TTC7A: variants seen among roughly 807,000 people sequenced by gnomAD.
TTC7A encodes tetratricopeptide repeat domain 7A.
TTC7A carries 110 observed loss-of-function variants against 103.7 expected under a neutral mutation model. The ratio of observed to expected loss-of-function variants is 1.06; its 90% CI spans 0.91 to 1.24. The LOEUF is 1.24. Among genes scored for constraint, TTC7A ranks in the 50% most tolerant of loss-of-function variants. TTC7A has a pLI of 0.00. For missense variants in TTC7A, 1,340 were observed against 1,116.3 expected (o/e 1.20, Z -2.86); for synonymous variants, 521 against 467.9 (o/e 1.11, Z -1.47).
At chr2:46,936,519 T>TG (rs776131575), upstream of TTC7A, among the ~76,000 whole-genome samples, 1 of 152,148 alleles carries the variant, frequency 6.6e-6, no homozygotes, top group Non-Finnish European at 1.5e-5. Flanking sequence ...GCTATGAGGC[T>TG]GGGGGGTCCT....
chr2:46,989,545 G>A (rs55805005), intron 5 of TTC7A, among the ~76,000 whole-genome samples: 10,289 of 152,072 alleles, frequency 0.068, 390 homozygotes, highest in Non-Finnish European at 0.079. Context: ...AGGCAGAGGG[G>A]CATTCTCAGG....
intron 2 of TTC7A, among the ~76,000 whole-genome samples, chr2:46,956,280 G>T (rs1184140864): frequency 2.0e-5 from 3 of 152,138 alleles, no homozygotes; most frequent in African/African-American, 7.3e-5. Flanking sequence ...AGAGGATGGT[G>T]ACGCAGCAGG....
intron 1 of TTC7A, among the ~76,000 whole-genome samples, chr2:46,944,971 G>A (rs1670806662): frequency 6.6e-6 from 1 of 152,094 alleles, no homozygotes; most frequent in Non-Finnish European, 1.5e-5. Flanking sequence ...TTGATTGTTA[G>A]GTTAGGTCTC....
chr2:47,045,178 C>G (rs1682183687), intron 15 of TTC7A, among the ~76,000 whole-genome samples: 1 of 152,208 alleles, frequency 6.6e-6, no homozygotes, highest in African/African-American at 2.4e-5. Flanking sequence ...CTCGGTGGTT[C>G]AAACTCTTCG....
At chr2:47,056,504 C>T (rs553837689) in intron 18 of TTC7A, among the ~76,000 whole-genome samples, 35 of 152,348 alleles carry the variant, frequency 2.3e-4, no homozygotes, top group Admixed American at 2.0e-4. Context: ...GCAAGGCCCT[C>T]CCTGCAAAGG....
chr2:47,018,437 T>C (rs1390969018), intron 11 of TTC7A, among the ~76,000 whole-genome samples: 2 of 151,696 alleles, frequency 1.3e-5, no homozygotes, highest in Non-Finnish European at 2.9e-5. Context: ...ATAAAAAAAT[T>C]AACCAGTGTG....
chr2:46,927,087 C>T (rs1477628093), intron 2 of TTC7A, among the ~76,000 whole-genome samples: 1 of 151,570 alleles, frequency 6.6e-6, no homozygotes, highest in Admixed American at 6.6e-5. Context: ...ATAGAAAATA[C>T]AAAAGGATAA....
chr2:46,976,046 C>A (rs1486830853), intron 4 of TTC7A, among the ~76,000 whole-genome samples: 4 of 152,100 alleles, frequency 2.6e-5, no homozygotes, highest in Non-Finnish European at 4.4e-5. Flanking sequence ...TATTCTTTTT[C>A]CCTCCGCATC....
intron 8 of TTC7A, among the ~76,000 whole-genome samples, chr2:46,998,701 C>T (rs1676478751): frequency 1.3e-5 from 2 of 152,318 alleles, no homozygotes; most frequent in South Asian, 2.1e-4. Context: ...ATCATTGCTT[C>T]CACCTCCAGG....
rs764434930 is a variant in TTC7A, at chr2:47,060,929, G to C, written c.2313G>C (p.Ala771=). 6.2e-7 allele frequency: 1 copy of C among 1,613,992 alleles called. No homozygotes were observed. The change falls in exon 19 of 20, where the codon GCG becomes GCC. Residue 771 remains alanine (A), a synonymous_variant. Transcript: ENST00000319190. ...LEEAKQLYKE[A]LTVNPDGVRI... is the part of the protein sequence containing the mutation. ...AGGCCAAGCAGCTGTACAAGGAGGC[G>C]CTCACGGTGAACCCAGATGGCGTGC... is the stretch of plus-strand genomic sequence containing the variant.
Position 47,051,763 on chromosome 2 carries a change from T to C in TTC7A, c.2035T>C (p.Ser679Pro). ...DADSGSRRASSIAASRLEEAM... is the reference protein window; with the variant it reads ...DADSGSRRASPIAASRLEEAM... ...CTCTGCAGGCTCCCGGCGGGCTTCGTCCATCGCCGCCTCCCGGCTGGAGGA... is the reference window on the plus strand; with the variant it reads ...CTCTGCAGGCTCCCGGCGGGCTTCGCCCATCGCCGCCTCCCGGCTGGAGGA... Residue 679 changes from serine (S) to proline (P), a missense_variant, in exon 18 of 20, where the codon TCC (serine) becomes CCC (proline). Coordinates refer to ENST00000319190, the MANE Select transcript of TTC7A (RefSeq NM_020458.4). 1 of 1,610,618 alleles carries C rather than the reference T, an allele frequency of 6.2e-7. No individual in the cohort carries two copies. The highest frequency in any genetic ancestry group is 8.5e-7 in the Non-Finnish European group (1 of 1,179,422).
At chr2:47,070,943 CCT>C (rs1362557322) in intron 19 of TTC7A, among the ~76,000 whole-genome samples, 1 of 152,202 alleles carries the variant, frequency 6.6e-6, no homozygotes. Context: ...GATCTGGTCT[CCT>C]CTCTCAGCGT....
In TTC7A at chr2:47,039,084, C is replaced by T. The variant is rs138753763; in HGVS notation, c.1803-7231C>T. 3.2e-4 allele frequency among the ~76,000 whole-genome samples: 48 copies of T among 152,228 alleles called. No individual in the cohort carries two copies. The East Asian group carries it at 6.2e-3, about 20-fold the overall frequency. On this transcript the variant is annotated intron_variant, in intron 15 of 19. Coordinates refer to ENST00000319190, the MANE Select transcript of TTC7A (RefSeq NM_020458.4). Reference sequence around the variant, plus strand: ...CCCCTTAGTTCTCCCAGCAACCCTCCTGGGCAGTACCATGACTGTCCTGCC... The same window carrying T: ...CCCCTTAGTTCTCCCAGCAACCCTCTTGGGCAGTACCATGACTGTCCTGCC...
At chr2:46,949,329 G>T (rs1277655570) in intron 1 of TTC7A, among the ~76,000 whole-genome samples, 1 of 151,746 alleles carries the variant, frequency 6.6e-6, no homozygotes, top group Non-Finnish European at 1.5e-5. Context: ...TCCGTCTCCC[G>T]AATTCAGGCA....
At chr2:46,969,056 C>A (rs11125108) in intron 3 of TTC7A, among the ~76,000 whole-genome samples, 1 of 151,540 alleles carries the variant, frequency 6.6e-6, no homozygotes, top group Non-Finnish European at 1.5e-5. Context: ...CGTGGGCCAC[C>A]ACTCCTGGCC....
intron 1 of TTC7A, among the ~76,000 whole-genome samples, chr2:46,949,042 C>T (rs1671175657): frequency 6.6e-6 from 1 of 152,142 alleles, no homozygotes; most frequent in African/African-American, 2.4e-5. Context: ...CTCCTCACCC[C>T]AGTTGCTGGG....
intron 5 of TTC7A, among the ~76,000 whole-genome samples, chr2:46,992,226 A>G (rs1675704967): frequency 6.6e-6 from 1 of 152,184 alleles, no homozygotes; most frequent in Non-Finnish European, 1.5e-5. Flanking sequence ...ACGTGGCAGG[A>G]GCTGCTGGGT....
chr2:47,040,505 C>A (rs1035076601), intron 15 of TTC7A: 4 of 152,276 alleles, frequency 2.6e-5, no homozygotes, highest in African/African-American at 9.6e-5. Context: ...ATGCTTTGCC[C>A]AGAGCCCAGT....
chr2:47,065,983 G>A (rs1416973163), intron 19 of TTC7A: 2 of 152,336 alleles, frequency 1.3e-5, no homozygotes, highest in African/African-American at 4.8e-5. Context: ...CTTGGTGAGG[G>A]AGCTCCAGGC....
Sources: gnomAD v4.1 joint callset for allele counts (sites outside exome capture counted in the v4.1 genomes callset) on GRCh38, gnomAD v4.1.1 for gene constraint, MANE v1.5 for transcripts, NCBI Gene and HGNC (gene_info 2026-07-23, HGNC 2026-07-21) for gene names.